COL4A2: variants seen among roughly 807,000 people sequenced by gnomAD.
The protein encoded by COL4A2 is collagen alpha-2(IV) chain.
Under a neutral mutation model 200.2 loss-of-function variants are expected in COL4A2, and 99 were observed. The ratio of observed to expected loss-of-function variants is 0.49; its 90% confidence interval spans 0.42 to 0.58. The LOEUF (loss-of-function observed/expected upper bound fraction) is 0.58, where lower values mean the gene tolerates loss of function less well. Ranked by LOEUF, COL4A2 falls within the 20% of genes least tolerant of loss-of-function variation. The pLI is 0.00. For synonymous variants in COL4A2, 897 were observed against 900.6 expected (o/e 1.00, Z 0.07); for missense variants, 1,950 against 2,314.1 (o/e 0.84, Z 3.23).
In COL4A2 at chr13:110,473,096, G is replaced by A; in HGVS notation, c.2371G>A (p.Gly791Arg). The A allele has an allele frequency of 1.3e-6, 2 of 1,557,794 alleles. No individual in the cohort carries two copies. The highest frequency in any genetic ancestry group is 1.7e-6 in the Non-Finnish European group (2 of 1,151,270). Reference protein sequence around the residue: ...PGPRGDAGVPGQPGLKGLPGD... With the variant: ...PGPRGDAGVPRQPGLKGLPGD... The stretch of plus-strand genomic sequence containing the variant: ...GCCACGGGGAGATGCTGGTGTGCCT[G>A]GACAGCCTGGGCTTAAAGGCCTTCC... The change falls in exon 29 of 48, where the codon GGA becomes AGA. Residue 791 changes from glycine (G) to arginine (R), a missense_variant. This residue lies in a region of COL4A2 where 1,385 missense variants were observed against 1,720.5 expected (regional missense o/e 0.80). Transcript: ENST00000360467.
At chr13:110,326,637 G>A (rs1417329680) in intron 3 of COL4A2, among the ~76,000 whole-genome samples, 1 of 152,140 alleles carries the variant, frequency 6.6e-6, no homozygotes, top group African/African-American at 2.4e-5. Context: ...AGCCTTCAGG[G>A]CGAGGTCACA....
intron 4 of COL4A2, among the ~76,000 whole-genome samples, chr13:110,400,890 T>C (rs1879350499): frequency 2.6e-5 from 4 of 152,154 alleles, no homozygotes; most frequent in Admixed American, 2.6e-4. Flanking sequence ...AGAAAAAAAA[T>C]GATTTCATAA....
At chr13:110,383,475 T>C (rs1878567164) in intron 4 of COL4A2, among the ~76,000 whole-genome samples, 2 of 152,180 alleles carry the variant, frequency 1.3e-5, no homozygotes, top group Non-Finnish European at 2.9e-5. Context: ...GTTACATTCA[T>C]AGGTTTATGT....
At chr13:110,438,584 G>T in intron 14 of COL4A2, 34 bp from the exon 15 acceptor site, 1 of 1,614,116 alleles carries the variant, frequency 6.2e-7, no homozygotes, top group Admixed American at 1.7e-5. Flanking sequence ...GCCGCCCCTG[G>T]GTTGCTCCTT....
chr13:110,449,719 G>A lies in COL4A2; in HGVS notation c.1119G>A (p.Glu373=), dbSNP rs993856431. Residue 373 remains glutamate, a synonymous_variant, in exon 19 of 48, where the codon GAG becomes GAA. Coordinates refer to ENST00000360467, the MANE Select transcript of COL4A2 (RefSeq NM_001846.4). ...CGGGATTCCCAGGGGCCCAAGGGGA[G>A]CCAGGAAGCCAGGGTGAGCCAGGAG... is the stretch of plus-strand genomic sequence containing the variant. ...GDPGFPGAQG[E]PGSQGEPGDP... is the part of the protein sequence containing the mutation. 3.9e-6 allele frequency: 6 copies of A among 1,549,638 alleles called. No homozygotes were observed. Among genetic ancestry groups the A allele is most frequent in the African/African-American group, 1.4e-5 (1 of 72,946 alleles).
At chr13:110,338,760 G>A (rs1189064020) in intron 3 of COL4A2, among the ~76,000 whole-genome samples, 1 of 152,232 alleles carries the variant, frequency 6.6e-6, no homozygotes, top group Non-Finnish European at 1.5e-5. Flanking sequence ...GAAGACGCAA[G>A]CTGAAAAAAT....
chr13:110,310,208 CAAG>C (rs1884936286), intron 3 of COL4A2, among the ~76,000 whole-genome samples: 1 of 152,178 alleles, frequency 6.6e-6, no homozygotes, highest in African/African-American at 2.4e-5. Context: ...TGGATGGCAC[CAAG>C]AACATTGATT....
chr13:110,367,872 C>T (rs1199662463), intron 4 of COL4A2, among the ~76,000 whole-genome samples: 1 of 126,206 alleles, frequency 7.9e-6, no homozygotes, highest in Non-Finnish European at 1.8e-5. Context: ...GGGCAAGATC[C>T]ATAATCTTTA....
intron 4 of COL4A2, among the ~76,000 whole-genome samples, chr13:110,421,596 G>A (rs763235147): frequency 9.2e-5 from 14 of 152,228 alleles, no homozygotes; most frequent in Non-Finnish European, 1.6e-4. Flanking sequence ...TAATGGGTTT[G>A]GGGCTTCCTT....
chr13:110,498,739 T>TA (rs1320383484), intron 40 of COL4A2, among the ~76,000 whole-genome samples: 4 of 152,360 alleles, frequency 2.6e-5, no homozygotes, highest in Admixed American at 2.6e-4. Context: ...AGTGGAGAGT[T>TA]ACGTGTAGCT....
At position 110,445,633 on chromosome 13, in the gene COL4A2, T is replaced by A. The variant is rs556154570; in HGVS notation, c.958-196T>A. On this transcript the variant is annotated intron_variant, in intron 16 of 47. Transcript: ENST00000360467. Reference sequence around the variant, plus strand: ...TCCAAGTGTTATATTTGGACTTTTTTGGCTCCTGGTTCTAGCAAAGCAACC... The same window carrying A: ...TCCAAGTGTTATATTTGGACTTTTTAGGCTCCTGGTTCTAGCAAAGCAACC... Among the ~76,000 whole-genome samples, 11 of 152,360 alleles carry A rather than the reference T, an allele frequency of 7.2e-5. No homozygotes were observed. In the East Asian group the frequency reaches 1.7e-3, roughly 24 times the overall value.
intron 4 of COL4A2, among the ~76,000 whole-genome samples, chr13:110,379,657 C>T (rs1409995615): frequency 6.6e-6 from 1 of 152,204 alleles, no homozygotes; most frequent in Non-Finnish European, 1.5e-5. Context: ...GGTCGGAGTA[C>T]TCCCCATGGA....
At chr13:110,509,688 A>G (rs1884022177) in intron 47 of COL4A2, among the ~76,000 whole-genome samples, 1 of 152,158 alleles carries the variant, frequency 6.6e-6, no homozygotes, top group Non-Finnish European at 1.5e-5. Context: ...TTCCATTAGC[A>G]TCAGGTTTCA....
intron 29 of COL4A2, among the ~76,000 whole-genome samples, chr13:110,476,636 C>T (rs1368137925): frequency 6.6e-6 from 1 of 152,232 alleles, no homozygotes; most frequent in Non-Finnish European, 1.5e-5. Context: ...GGCTGTGAGG[C>T]TACGTGAGTG....
chr13:110,489,408 C>A (rs369457991), intron 34 of COL4A2, 37 bp from the exon 35 acceptor site: 2 of 1,606,064 alleles, frequency 1.2e-6, no homozygotes, highest in Non-Finnish European at 1.7e-6. Context: ...ACTGACTTCG[C>A]TAACAGCCTT....
At chr13:110,411,560 A>G (rs1375907144) in intron 4 of COL4A2, among the ~76,000 whole-genome samples, 1 of 152,172 alleles carries the variant, frequency 6.6e-6, no homozygotes, top group African/African-American at 2.4e-5. Flanking sequence ...GAGCCGTGAA[A>G]TGGCTACATT....
rs575980268 is a variant in COL4A2, at chr13:110,427,865, CAA to C, written c.361-601_361-600del. Among the ~76,000 whole-genome samples, 1,026 of 152,290 alleles carry C rather than the reference CAA, an allele frequency of 6.7e-3. 10 individuals carry two copies. The highest frequency in any genetic ancestry group is 0.01 in the Middle Eastern group (3 of 294). On this transcript the variant is annotated intron_variant, in intron 6 of 47. Coordinates refer to ENST00000360467, the MANE Select transcript of COL4A2 (RefSeq NM_001846.4). ...AGGTCATGTTTCCTAAGAAAGCAAACAAGAGGCAATCAGCTCTTCTAAACATG... is the reference window on the plus strand; with the variant it reads ...AGGTCATGTTTCCTAAGAAAGCAAACGAGGCAATCAGCTCTTCTAAACATG...
chr13:110,504,975 A>G (rs1309123170), intron 45 of COL4A2, among the ~76,000 whole-genome samples: 1 of 145,770 alleles, frequency 6.9e-6, no homozygotes, highest in Non-Finnish European at 1.5e-5. Context: ...GCTATTCATG[A>G]AAAAAAAAAA....
intron 3 of COL4A2, among the ~76,000 whole-genome samples, chr13:110,314,036 G>A (rs1414374255): frequency 3.9e-5 from 6 of 152,244 alleles, no homozygotes; most frequent in Admixed American, 2.0e-4. Flanking sequence ...ATCCTGGGGC[G>A]GGTCCTGGGA....
Sources: allele counts gnomAD v4.1 joint callset (sites outside exome capture counted in the v4.1 genomes callset), GRCh38; gene constraint gnomAD v4.1.1; regional missense constraint gnomAD v4.1.1; transcripts MANE v1.5; gene names NCBI Gene and HGNC (gene_info 2026-07-23, HGNC 2026-07-21).